Variants in ZCCHC2 observed in about 807,000 individuals in gnomAD.
ZCCHC2 encodes zinc finger CCHC domain-containing protein 2.
A neutral mutation model predicts 103.6 loss-of-function variants in ZCCHC2; 39 were observed. That is an observed-to-expected ratio of 0.38 (90% confidence interval 0.29 to 0.49). ZCCHC2 has a LOEUF of 0.49. Among genes scored for constraint, ZCCHC2 ranks in the 20% least tolerant of loss-of-function variants. The pLI, the probability that ZCCHC2 is intolerant of heterozygous loss-of-function variation, is 0.96. For missense variants in ZCCHC2, 1,483 were observed against 1,491.0 expected (o/e 0.99, Z 0.09); for synonymous variants, 687 against 608.9 (o/e 1.13, Z -1.89).
At chr18:62,561,014 T>C (rs1024704097) in intron 8 of ZCCHC2, among the ~76,000 whole-genome samples, 5 of 152,326 alleles carry the variant, frequency 3.3e-5, no homozygotes, top group Admixed American at 3.3e-4. Flanking sequence ...ATCATTTATT[T>C]CCCCCTAACT....
rs111479313 is a variant in ZCCHC2 at position 62,547,235 on chromosome 18, G to C, written c.1200+2362G>C. The stretch of plus-strand genomic sequence containing the variant: ...CAGCTACTCTGGAGGCTGAGGCAGA[G>C]AATCACTTGAACCCCAAAGGTGGAG... On this transcript the variant is annotated intron_variant, in intron 4 of 13. Transcript: ENST00000269499. Among the ~76,000 whole-genome samples the C allele has an allele frequency of 7.3e-3, 1,101 of 150,676 alleles. 15 individuals are homozygous for C. Among genetic ancestry groups the C allele is most frequent in the African/African-American group, 0.025 (1,040 of 40,992 alleles).
Position 62,523,913 on chromosome 18 carries a change from C to T in ZCCHC2, c.489C>T (p.Asp163=). 2 of 1,535,536 alleles carry T rather than the reference C, an allele frequency of 1.3e-6. No homozygotes were observed. The highest frequency in any genetic ancestry group is 1.2e-5 in the South Asian group (1 of 83,554). ...NGLSDPGPLA[D]FREPAVRSRL... ...TCTCGGACCCGGGGCCGCTGGCCGA[C>T]TTCCGAGAGCCCGCGGTGCGCTCGC... Residue 163 remains aspartate (D), a synonymous_variant, in exon 1 of 14, where the codon GAC becomes GAT. Transcript: ENST00000269499.
chr18:62,537,679 C>T (rs1294747778), intron 1 of ZCCHC2, among the ~76,000 whole-genome samples: 1 of 152,202 alleles, frequency 6.6e-6, no homozygotes, highest in African/African-American at 2.4e-5. Context: ...TTTATCTGTT[C>T]ATCCATTGAT....
At chr18:62,562,866 C>CT in intron 8 of ZCCHC2, 143 bp from the exon 9 acceptor site, 17 of 859,200 alleles carry the variant, frequency 2.0e-5, no homozygotes, top group Non-Finnish European at 2.6e-5. Flanking sequence ...TCATAGTATA[C>CT]TTTTTTTTCT....
chr18:62,544,677 T>G, intron 3 of ZCCHC2, 125 bp from the exon 4 acceptor site: 2 of 726,644 alleles, frequency 2.8e-6, no homozygotes, highest in South Asian at 4.1e-5. Flanking sequence ...CAGATTAACT[T>G]TATATTTCTA....
intron 1 of ZCCHC2, among the ~76,000 whole-genome samples, chr18:62,537,099 C>G (rs1293466853): frequency 6.6e-6 from 1 of 152,158 alleles, no homozygotes; most frequent in East Asian, 1.9e-4. Flanking sequence ...TCCAAACATT[C>G]TATCATCCCA....
downstream of ZCCHC2, among the ~76,000 whole-genome samples, chr18:62,579,889 AT>A (rs796894428): frequency 6.9e-3 from 1,012 of 146,226 alleles, 5 homozygotes; most frequent in Non-Finnish European, 0.01. Context: ...CGCCCAGCCA[AT>A]TTTTTTTTTT....
At position 62,574,604 on chromosome 18, in the gene ZCCHC2, C is replaced by T. The variant is rs369915168; in HGVS notation, c.2523C>T (p.Ile841=). ...IPQQPPGSLS[I]ASPNTAFIPI... is the part of the protein sequence containing the mutation. ...AACAACCACCCGGAAGCCTGAGCATCGCATCACCAAACACTGCCTTTATTC... is the reference window on the plus strand; with the variant it reads ...AACAACCACCCGGAAGCCTGAGCATTGCATCACCAAACACTGCCTTTATTC... Residue 841 remains isoleucine (I), a synonymous_variant, in exon 13 of 14, where the codon ATC becomes ATT. Coordinates refer to ENST00000269499, the MANE Select transcript of ZCCHC2 (RefSeq NM_017742.6). 2.7e-4 allele frequency: 433 copies of T among 1,613,890 alleles called. 2 individuals are homozygous for T. Among genetic ancestry groups the T allele is most frequent in the Admixed American group, 4.5e-4 (27 of 59,998 alleles).
At chr18:62,561,990 TTTTTTG>T (rs1245220430) in intron 8 of ZCCHC2, among the ~76,000 whole-genome samples, 1 of 152,098 alleles carries the variant, frequency 6.6e-6, no homozygotes, top group Admixed American at 6.6e-5. Context: ...TCCCGTGGTT[TTTTTTG>T]TTTTTGTTTT....
chr18:62,571,360 A>G (rs1428718123), intron 12 of ZCCHC2, among the ~76,000 whole-genome samples: 1 of 152,200 alleles, frequency 6.6e-6, no homozygotes. Context: ...TTACAGGGCT[A>G]CTTTAGAGCT....
At chr18:62,564,929 T>C in intron 10 of ZCCHC2, 73 bp from the exon 11 acceptor site, 2 of 1,092,806 alleles carry the variant, frequency 1.8e-6, no homozygotes, top group East Asian at 2.4e-5. Flanking sequence ...GAAGGAAATT[T>C]TATCAATACT....
At position 62,523,986 on chromosome 18, in the gene ZCCHC2, G is replaced by A; in HGVS notation, c.562G>A (p.Ala188Thr). The A allele has an allele frequency of 2.0e-6, 3 of 1,491,940 alleles. No individual in the cohort carries two copies. The highest frequency in any genetic ancestry group is 2.7e-6 in the Non-Finnish European group (3 of 1,125,804). The allele number at this position is 1,491,940 out of a possible 1,614,324, so 92.4% of individuals were successfully genotyped here. A position where few individuals can be genotyped will look rare whatever the true frequency, so the allele number is the denominator to read the frequency against. ...GCTGGGCTCGGAGAACCGGGAGGCC[G>A]CTGGCCGTCTGCACCGCCTGCTACC... ...ALLGSENREA[A>T]GRLHRLLPQV... Residue 188 changes from alanine (A) to threonine (T), a missense_variant, in exon 1 of 14, where the codon GCT becomes ACT. By Grantham distance (58) the Ala-to-Thr change is moderately conservative. Coordinates refer to ENST00000269499, the MANE Select transcript of ZCCHC2 (RefSeq NM_017742.6).
chr18:62,548,938 G>A (rs1915535865), intron 4 of ZCCHC2, among the ~76,000 whole-genome samples: 1 of 151,752 alleles, frequency 6.6e-6, no homozygotes, highest in Non-Finnish European at 1.5e-5. Flanking sequence ...AAAATGGGTA[G>A]GCCAGGCGTG....
At chr18:62,538,336 G>A (rs2145493891) in intron 1 of ZCCHC2, among the ~76,000 whole-genome samples, 1 of 151,650 alleles carries the variant, frequency 6.6e-6, no homozygotes, top group Admixed American at 6.6e-5. Flanking sequence ...CTATTTGAGA[G>A]GATTATATAG....
intron 1 of ZCCHC2, among the ~76,000 whole-genome samples, chr18:62,533,556 A>G (rs1055515034): frequency 6.7e-5 from 10 of 150,022 alleles, no homozygotes; most frequent in African/African-American, 2.5e-4. Flanking sequence ...TACCAATATG[A>G]TACACTGCTT....
intron 1 of ZCCHC2, among the ~76,000 whole-genome samples, chr18:62,528,120 T>C (rs1007237351): frequency 1.3e-5 from 2 of 152,266 alleles, no homozygotes; most frequent in African/African-American, 4.8e-5. Context: ...GCTTAATTGC[T>C]TGACTAACAG....
In ZCCHC2 at chr18:62,560,616, A is replaced by G. The variant is rs747212795; in HGVS notation, c.1522A>G (p.Lys508Glu). 2 of 1,613,586 alleles carry G rather than the reference A, an allele frequency of 1.2e-6. No individual in the cohort carries two copies. Among genetic ancestry groups the G allele is most frequent in the Admixed American group, 3.3e-5 (2 of 60,002 alleles). ...GTTGCAGCATGCCATAATCCACAAG[A>G]AGCATACTGGGAAAAGTCCCATTGT... ...DVLQHAIIHK[K>E]HTGKSPIVNN... is the part of the protein sequence containing the mutation. Residue 508 changes from lysine (K) to glutamate (E), a missense_variant, in exon 8 of 14, where the codon AAG (lysine) becomes GAG (glutamate). This residue lies in a region of ZCCHC2 where 884 missense variants were observed against 907.5 expected (regional missense o/e 0.97). Transcript: ENST00000269499.
intron 1 of ZCCHC2, among the ~76,000 whole-genome samples, chr18:62,538,900 A>G (rs1308756332): frequency 6.6e-6 from 1 of 152,190 alleles, no homozygotes; most frequent in Non-Finnish European, 1.5e-5. Context: ...AACCAAGTTG[A>G]TTTTGATATG....
chr18:62,528,658 T>C (rs1467796274), intron 1 of ZCCHC2, among the ~76,000 whole-genome samples: 1 of 151,992 alleles, frequency 6.6e-6, no homozygotes, highest in African/African-American at 2.4e-5. Flanking sequence ...TAAATTGTAC[T>C]TGATAGACCA....
Sources: allele counts gnomAD v4.1 joint callset (sites outside exome capture counted in the v4.1 genomes callset), GRCh38; gene constraint gnomAD v4.1.1; regional missense constraint gnomAD v4.1.1; transcripts MANE v1.5; gene names NCBI Gene and HGNC (gene_info 2026-07-23, HGNC 2026-07-21).